The following BCAT1 variants were observed in gnomAD, a reference collection of about 807,000 sequenced individuals.
BCAT1 encodes branched chain amino acid transaminase 1, also known as branched-chain-amino-acid aminotransferase, cytosolic.
In BCAT1, 48 loss-of-function variants were observed where a neutral mutation model predicts 52.4. The observed-to-expected ratio is 0.92, with a 90% CI of 0.73 to 1.16. The LOEUF is 1.16. BCAT1 is among the 50% of genes most tolerant of loss of function. The pLI is 0.00. For missense variants in BCAT1, 451 were observed against 457.1 expected, an observed-to-expected ratio of 0.99 and a Z score of 0.12; for synonymous variants, 167 against 161.3, an observed-to-expected ratio of 1.04 and a Z score of -0.27.
chr12:24,936,895 C>T (rs1265204371), intron 1 of BCAT1, among the ~76,000 whole-genome samples: 1 of 151,990 alleles, frequency 6.6e-6, no homozygotes, highest in Non-Finnish European at 1.5e-5. Context: ...TCTCAAGATC[C>T]ATAACTTAAT....
chr12:24,892,113 C>G (rs2133586), intron 3 of BCAT1, among the ~76,000 whole-genome samples: 109 of 151,072 alleles, frequency 7.2e-4, no homozygotes, highest in African/African-American at 2.6e-3. Flanking sequence ...GAGTCAGGGT[C>G]TCATCATGTT....
chr12:24,859,490 G>A (rs1004442644), intron 5 of BCAT1, among the ~76,000 whole-genome samples: 7 of 151,732 alleles, frequency 4.6e-5, no homozygotes, highest in East Asian at 3.9e-4. Context: ...GCGTAGTGGC[G>A]GGTGCCTGTA....
At chr12:24,848,909 A>T (rs560171011) in intron 6 of BCAT1, among the ~76,000 whole-genome samples, 5 of 152,258 alleles carry the variant, frequency 3.3e-5, no homozygotes, top group African/African-American at 1.2e-4. Context: ...AGAAAAGAAA[A>T]AGGAAATACA....
chr12:24,853,565 C>G (rs562750062), intron 5 of BCAT1, among the ~76,000 whole-genome samples: 1 of 152,224 alleles, frequency 6.6e-6, no homozygotes, highest in East Asian at 1.9e-4. Context: ...ACCCATGTAA[C>G]AAACTTGCAC....
intron 1 of BCAT1, among the ~76,000 whole-genome samples, chr12:24,930,799 C>A (rs1381962088): frequency 1.3e-5 from 2 of 151,646 alleles, no homozygotes; most frequent in African/African-American, 4.8e-5. Flanking sequence ...TTAGTTTAGT[C>A]ATCCTTTAGA....
intron 1 of BCAT1, among the ~76,000 whole-genome samples, chr12:24,935,340 G>A (rs193268280): frequency 6.6e-6 from 1 of 152,292 alleles, no homozygotes; most frequent in African/African-American, 2.4e-5. Flanking sequence ...GAGAGCTTAG[G>A]TGGCCAGGAA....
intron 7 of BCAT1, among the ~76,000 whole-genome samples, chr12:24,837,381 G>C (rs1299746704): frequency 6.6e-6 from 1 of 151,644 alleles, no homozygotes; most frequent in Non-Finnish European, 1.5e-5. Context: ...TCCCCAAGAA[G>C]TGTGCGTGCC....
chr12:24,890,991 C>A lies in BCAT1; in HGVS notation c.279+3284G>T, dbSNP rs369272703. On this transcript the variant is annotated intron_variant, in intron 3 of 10. Coordinates refer to ENST00000261192, the MANE Select transcript of BCAT1 (RefSeq NM_005504.7). ...TCACTGCTTGGTGGTGGGGAGAAAT[C>A]CCTACACCTTTGATCATAGAAGTCT... Among the ~76,000 whole-genome samples, 12 of 152,084 alleles carry A rather than the reference C, an allele frequency of 7.9e-5. No individual in the cohort carries two copies. In the East Asian group the frequency reaches 9.6e-4, roughly 12 times the overall value.
chr12:24,862,836 C>A (rs10842420), intron 5 of BCAT1, among the ~76,000 whole-genome samples: 85,938 of 151,458 alleles, frequency 0.57, 24,997 homozygotes, highest in East Asian at 0.83. Context: ...AAAAAAAAAT[C>A]TGATGCTAGT....
intron 1 of BCAT1, among the ~76,000 whole-genome samples, chr12:24,936,723 TCACACA>T (rs59426475): frequency 4.9e-5 from 7 of 141,784 alleles, no homozygotes; most frequent in Non-Finnish European, 6.3e-5. Context: ...TCTCTCTCTC[TCACACA>T]CACACACACA....
intron 1 of BCAT1, among the ~76,000 whole-genome samples, chr12:24,937,924 G>T (rs1020779912): frequency 2.6e-5 from 4 of 152,318 alleles, no homozygotes; most frequent in East Asian, 3.9e-4. Context: ...TGATTCAAAG[G>T]TCTGGGATAT....
chr12:24,883,061 T>G (rs1942546580), intron 3 of BCAT1, among the ~76,000 whole-genome samples: 1 of 151,908 alleles, frequency 6.6e-6, no homozygotes, highest in Non-Finnish European at 1.5e-5. Flanking sequence ...CCAAGGCTGT[T>G]GGATCACTTG....
At position 24,836,906 on chromosome 12, in the gene BCAT1, G is replaced by GA. The variant is rs1401459794; in HGVS notation, c.818-311dup. Among the ~76,000 whole-genome samples the GA allele has an allele frequency of 7.9e-5, 6 of 76,212 alleles. 1 individual carries two copies. The East Asian group carries it at 1.1e-3, about 14-fold the overall frequency. The allele number at this position is 76,212 out of a possible 152,430, so 50.0% of individuals were successfully genotyped here. A position where few individuals can be genotyped will look rare whatever the true frequency, so the allele number is the denominator to read the frequency against. ...GAAAGAAAGAAAGAAAGAAAAGAAA[G>GA]AGAGAAAGAAAGAAAGAAAGAAAGA... On this transcript the variant is annotated intron_variant, in intron 7 of 10. Coordinates refer to ENST00000261192, the MANE Select transcript of BCAT1 (RefSeq NM_005504.7).
chr12:24,831,371 G>A (rs113558166), intron 9 of BCAT1, among the ~76,000 whole-genome samples: 6 of 152,246 alleles, frequency 3.9e-5, no homozygotes, highest in South Asian at 2.1e-4. Context: ...TATGTGGGCC[G>A]GGCATGGTGA....
At chr12:24,915,193 AGTT>A (rs1018636142) in intron 1 of BCAT1, among the ~76,000 whole-genome samples, 24 of 152,278 alleles carry the variant, frequency 1.6e-4, no homozygotes, top group African/African-American at 5.8e-4. Flanking sequence ...GCAGGACTAT[AGTT>A]GTGAAAATAA....
Position 24,881,293 on chromosome 12 carries a change from T to C in BCAT1, c.390+8A>G, listed in dbSNP as rs1468951010. ...AGAAACACAAAAGAAACTCCTACAC[T>C]TACATACCGGCAGAGTTGCCCTCAC... On this transcript the variant is annotated splice_region_variant and intron_variant, in intron 4 of 10. Transcript: ENST00000261192. 1.9e-6 allele frequency: 3 copies of C among 1,588,496 alleles called. No individual in the cohort carries two copies. Among genetic ancestry groups the C allele is most frequent in the African/African-American group, 2.7e-5 (2 of 74,194 alleles).
At chr12:24,846,518 T>C (rs1941349139) in intron 6 of BCAT1, among the ~76,000 whole-genome samples, 1 of 152,212 alleles carries the variant, frequency 6.6e-6, no homozygotes, top group African/African-American at 2.4e-5. Flanking sequence ...AATAGACATA[T>C]TAAATACATC....
chr12:24,893,873 T>C (rs1942898839), intron 3 of BCAT1, among the ~76,000 whole-genome samples: 1 of 152,220 alleles, frequency 6.6e-6, no homozygotes, highest in Non-Finnish European at 1.5e-5. Flanking sequence ...TAGACATTAT[T>C]ACTGGTCATA....
chr12:24,900,065 T>C (rs1184828747), intron 2 of BCAT1, among the ~76,000 whole-genome samples: 1 of 152,170 alleles, frequency 6.6e-6, no homozygotes, highest in Non-Finnish European at 1.5e-5. Flanking sequence ...TTTGTTTTTG[T>C]TTTTGTTTTT....
Sources: allele counts gnomAD v4.1 joint callset (sites outside exome capture counted in the v4.1 genomes callset), GRCh38; gene constraint gnomAD v4.1.1; transcripts MANE v1.5; gene names NCBI Gene and HGNC (gene_info 2026-07-23, HGNC 2026-07-21).